TMIGD3: variants seen among roughly 807,000 people sequenced by gnomAD.
TMIGD3 encodes the protein transmembrane and immunoglobulin domain containing 3, also known as AD026 protein (AD026).
Under a neutral mutation model 28.1 loss-of-function variants are expected in TMIGD3, and 21 were observed. The observed-to-expected ratio is 0.75, with a 90% confidence interval of 0.53 to 1.08. The LOEUF (loss-of-function observed/expected upper bound fraction) is 1.08, where lower values mean the gene tolerates loss of function less well. TMIGD3 is among the 50% of genes least tolerant of loss of function. TMIGD3 has a pLI of 0.00. For missense variants in TMIGD3, 416 were observed against 435.6 expected (o/e 0.96, Z 0.40); for synonymous variants, 151 against 162.1 (o/e 0.93, Z 0.52).
At chr1:111,499,306 G>A in intron 1 of TMIGD3, 1 of 435,260 alleles carries the variant, frequency 2.3e-6, no homozygotes. Context: ...GGGTGTTCTG[G>A]GGCTAAGAGT....
intron 1 of TMIGD3, among the ~76,000 whole-genome samples, chr1:111,531,402 T>A (rs977274751): frequency 3.3e-5 from 5 of 152,260 alleles, no homozygotes; most frequent in Non-Finnish European, 7.3e-5. Flanking sequence ...CTGCTGGATG[T>A]TAAATCTCAG....
At chr1:111,520,086 C>T (rs2101002642) in intron 1 of TMIGD3, among the ~76,000 whole-genome samples, 1 of 152,322 alleles carries the variant, frequency 6.6e-6, no homozygotes, top group South Asian at 2.1e-4. Context: ...GAACAGGAAC[C>T]TCTTTCCATA....
At chr1:111,485,105 C>G (rs1333175829) in intron 5 of TMIGD3, among the ~76,000 whole-genome samples, 2 of 152,240 alleles carry the variant, frequency 1.3e-5, no homozygotes, top group African/African-American at 4.8e-5. Flanking sequence ...GCAGGAGAAT[C>G]GCTTGAACCT....
intron 1 of TMIGD3, among the ~76,000 whole-genome samples, chr1:111,546,726 G>C (rs1412686555): frequency 6.6e-6 from 1 of 152,122 alleles, no homozygotes; most frequent in Non-Finnish European, 1.5e-5. Flanking sequence ...AGGCTGGTAT[G>C]AACATGGGTG....
In TMIGD3 at chr1:111,554,788, A is replaced by G. The variant is rs530118208; in HGVS notation, c.107+9058T>C. 2.7e-3 allele frequency among the ~76,000 whole-genome samples: 417 copies of G among 152,306 alleles called. 1 individual carries two copies. The highest frequency in any genetic ancestry group is 7.8e-3 in the African/African-American group (326 of 41,562). The stretch of plus-strand genomic sequence containing the variant: ...AAAGTGATTCAGGTTGGTAGACCCC[A>G]AGCCCCTGGCAAAAGCAAACACAAA... On this transcript the variant is annotated intron_variant, in intron 1 of 5. Coordinates refer to the TMIGD3 transcript ENST00000369717.
chr1:111,515,429 G>A (rs1166585534), intron 1 of TMIGD3, among the ~76,000 whole-genome samples: 3 of 152,174 alleles, frequency 2.0e-5, no homozygotes, highest in Non-Finnish European at 2.9e-5. Flanking sequence ...AGGAGTCGCC[G>A]CTGAGAGGCT....
At chr1:111,515,714 T>C (rs374554923) in intron 1 of TMIGD3, among the ~76,000 whole-genome samples, 3 of 152,150 alleles carry the variant, frequency 2.0e-5, no homozygotes, top group East Asian at 3.9e-4. Flanking sequence ...CCCCCAGAAG[T>C]CGCAGTGGCG....
chr1:111,534,157 G>A (rs1002188273), intron 1 of TMIGD3, among the ~76,000 whole-genome samples: 4 of 152,094 alleles, frequency 2.6e-5, no homozygotes, highest in Admixed American at 6.5e-5. Flanking sequence ...AAATGGAATC[G>A]TGCCATGCAT....
At chr1:111,515,638 G>A (rs1393007569) in intron 1 of TMIGD3, among the ~76,000 whole-genome samples, 1 of 152,244 alleles carries the variant, frequency 6.6e-6, no homozygotes, top group Non-Finnish European at 1.5e-5. Context: ...TGGGAAGGAG[G>A]ACACAGAGAC....
At chr1:111,561,626 A>G (rs1657740640) in intron 1 of TMIGD3, among the ~76,000 whole-genome samples, 1 of 152,226 alleles carries the variant, frequency 6.6e-6, no homozygotes, top group Non-Finnish European at 1.5e-5. Flanking sequence ...AATTTTATTC[A>G]ATCATAGGCC....
At chr1:111,553,264 T>C (rs1376997673) in intron 1 of TMIGD3, among the ~76,000 whole-genome samples, 1 of 152,272 alleles carries the variant, frequency 6.6e-6, no homozygotes, top group Non-Finnish European at 1.5e-5. Flanking sequence ...CATTCCATTA[T>C]AGAAGATTTG....
At chr1:111,527,835 T>G (rs758834904) in intron 1 of TMIGD3, among the ~76,000 whole-genome samples, 1 of 152,226 alleles carries the variant, frequency 6.6e-6, no homozygotes, top group Non-Finnish European at 1.5e-5. Flanking sequence ...TTGCCCATCT[T>G]TTAATTGGGT....
rs567332647 is a variant in TMIGD3, at chr1:111,512,805, G to T, written c.108-22043C>A. Among the ~76,000 whole-genome samples the T allele has an allele frequency of 4.7e-4, 71 of 152,334 alleles. No homozygotes were observed. In the South Asian group the frequency reaches 7.7e-3, roughly 16 times the overall value. ...ATACAGACTTGTTGGGAAGCCACAGGGGTGTGTTCCATAGACCCTGTGTTT... is the reference window on the plus strand; with the variant it reads ...ATACAGACTTGTTGGGAAGCCACAGTGGTGTGTTCCATAGACCCTGTGTTT... On this transcript the variant is annotated intron_variant, in intron 1 of 5. Transcript: ENST00000369717.
intron 1 of TMIGD3, among the ~76,000 whole-genome samples, chr1:111,531,312 T>C (rs1056234103): frequency 7.2e-5 from 11 of 152,126 alleles, no homozygotes; most frequent in South Asian, 2.1e-4. Context: ...AAACATTATT[T>C]TTCCTCTTTA....
chr1:111,485,497 C>G, intron 5 of TMIGD3: 1 of 401,772 alleles, frequency 2.5e-6, no homozygotes, highest in Admixed American at 4.3e-5. Context: ...GTCTCAGGAC[C>G]TCCTTCCTTC....
chr1:111,521,198 C>T (rs79430876), intron 1 of TMIGD3, among the ~76,000 whole-genome samples: 5,869 of 152,202 alleles, frequency 0.039, 349 homozygotes, highest in African/African-American at 0.13. Flanking sequence ...TATTGATGGA[C>T]ATCTGGATTG....
chr1:111,524,597 A>G (rs1656199970), intron 1 of TMIGD3, among the ~76,000 whole-genome samples: 1 of 152,010 alleles, frequency 6.6e-6, no homozygotes, highest in Non-Finnish European at 1.5e-5. Flanking sequence ...TTTATTTCAA[A>G]GTACTTCCTA....
intron 1 of TMIGD3, among the ~76,000 whole-genome samples, chr1:111,551,554 CA>C (rs1319462389): frequency 6.6e-6 from 1 of 152,128 alleles, no homozygotes; most frequent in Non-Finnish European, 1.5e-5. Context: ...GTTACTGTCA[CA>C]AATTACTTCT....
upstream of TMIGD3, among the ~76,000 whole-genome samples, chr1:111,508,120 T>C (rs1222663093): frequency 6.6e-6 from 1 of 152,234 alleles, no homozygotes; most frequent in East Asian, 1.9e-4. Context: ...CAAGGTTCCT[T>C]CACTCTGAGC....
Sources: gnomAD v4.1 joint callset for allele counts (sites outside exome capture counted in the v4.1 genomes callset) on GRCh38, gnomAD v4.1.1 for gene constraint, MANE v1.5 for transcripts, NCBI Gene and HGNC (gene_info 2026-07-23, HGNC 2026-07-21) for gene names.